TRIM66: variants seen among roughly 807,000 people sequenced by gnomAD.
TRIM66 encodes tripartite motif-containing protein 66.
Under a neutral mutation model 148.2 loss-of-function variants are expected in TRIM66, and 99 were observed. That is an observed-to-expected ratio of 0.67 (90% CI 0.57 to 0.79). The LOEUF (loss-of-function observed/expected upper bound fraction) is 0.79. TRIM66 is among the 30% of genes least tolerant of loss of function. The pLI, the probability that TRIM66 is intolerant of heterozygous loss-of-function variation, is 0.00. For synonymous variants in TRIM66, 616 were observed against 635.9 expected (o/e 0.97, Z 0.47); for missense variants, 1,666 against 1,697.9 (o/e 0.98, Z 0.33).
chr11:8,676,740 A>G (rs1439322380), intron 3 of TRIM66, among the ~76,000 whole-genome samples: 1 of 152,192 alleles, frequency 6.6e-6, no homozygotes, highest in Non-Finnish European at 1.5e-5. Flanking sequence ...ATCATAACTT[A>G]GTTCTTCCCT....
At chr11:8,682,852 G>A (rs758792135), upstream of TRIM66, 2 of 1,604,422 alleles carry the variant, frequency 1.2e-6, no homozygotes, top group Non-Finnish European at 1.7e-6. Context: ...CTTCCTTGCC[G>A]GCGGAGACCC....
chr11:8,627,821 G>C (rs1021389923), intron 15 of TRIM66, among the ~76,000 whole-genome samples: 9 of 152,116 alleles, frequency 5.9e-5, no homozygotes, highest in Non-Finnish European at 1.2e-4. Context: ...TCCATGAATA[G>C]TAAGTTTTTG....
intron 13 of TRIM66, among the ~76,000 whole-genome samples, chr11:8,642,174 G>A (rs2036453711): frequency 6.6e-6 from 1 of 152,132 alleles, no homozygotes; most frequent in Non-Finnish European, 1.5e-5. Context: ...TTATTTTGGT[G>A]AGACTTACTT....
chr11:8,634,344 T>G (rs886108409), intron 15 of TRIM66, among the ~76,000 whole-genome samples: 3 of 152,198 alleles, frequency 2.0e-5, no homozygotes, highest in Non-Finnish European at 4.4e-5. Context: ...TTTCTTGTGT[T>G]TTTTTGTAGA....
At chr11:8,638,865 C>T (rs766740374) in intron 14 of TRIM66, 50 bp from the exon 15 acceptor site, 1 of 1,502,604 alleles carries the variant, frequency 6.7e-7, no homozygotes, top group African/African-American at 1.4e-5. Context: ...GACAGCGTAG[C>T]AGCAGCAGCA....
chr11:8,680,625 A>G (rs2039369459), intron 1 of TRIM66: 1 of 152,280 alleles, frequency 6.6e-6, no homozygotes, highest in Admixed American at 6.5e-5. Context: ...ACCAGTGAGC[A>G]GTGCAGATTG....
chr11:8,672,143 GA>G (rs2133500077), intron 5 of TRIM66, 45 bp from the exon 6 acceptor site: 1 of 1,527,732 alleles, frequency 6.5e-7, no homozygotes, highest in Admixed American at 2.0e-5. Context: ...ATTTTGAGCA[GA>G]AAAAAATCTT....
chr11:8,671,938 G>A lies in TRIM66; in HGVS notation c.188C>T (p.Ala63Val). 6.5e-7 allele frequency: 1 copy of A among 1,536,140 alleles called. No individual in the cohort carries two copies. The highest frequency in any genetic ancestry group is 8.7e-7 in the Non-Finnish European group (1 of 1,146,908). ...KHCPKSGQME[A>V]MVMTCSLCHQ... is the part of the protein sequence containing the mutation. ...GCACAATGAGCAGGTCATTACCATG[G>A]CCTCCATCTGTCCACTCTTAGGGCA... Residue 63 changes from alanine to valine, a missense_variant, in exon 6 of 25, where the codon GCC (alanine) becomes GTC (valine). Coordinates refer to ENST00000646038, the MANE Select transcript of TRIM66 (RefSeq NM_001388022.1).
At chr11:8,649,915 G>T (rs1565538546) in intron 7 of TRIM66, 28 bp from the exon 8 acceptor site, 1 of 1,541,400 alleles carries the variant, frequency 6.5e-7, no homozygotes, top group Admixed American at 2.0e-5. Flanking sequence ...TGGAGTTACT[G>T]ATGTTATCCT....
At position 8,627,633 on chromosome 11, in the gene TRIM66, C is replaced by G. The variant is rs569946504; in HGVS notation, c.2311-2405G>C. On this transcript the variant is annotated intron_variant, in intron 15 of 24. Coordinates refer to ENST00000646038, the MANE Select transcript of TRIM66 (RefSeq NM_001388022.1). Reference sequence around the variant, plus strand: ...TTGACAAAGATGAGGCTCAGAAGGGCATCTTAAGTTTTTTCATGTTATTAT... The same window carrying G: ...TTGACAAAGATGAGGCTCAGAAGGGGATCTTAAGTTTTTTCATGTTATTAT... 2.8e-3 allele frequency among the ~76,000 whole-genome samples: 433 copies of G among 152,264 alleles called. 1 individual carries two copies. Among genetic ancestry groups the G allele is most frequent in the Non-Finnish European group, 4.7e-3 (317 of 68,014 alleles).
intron 12 of TRIM66, chr11:8,644,517 T>A (rs2036681831): frequency 2.4e-6 from 1 of 420,456 alleles, no homozygotes; most frequent in African/African-American, 2.1e-5. Flanking sequence ...TACAGCATTG[T>A]CCCCTTCCTG....
chr11:8,636,926 A>T (rs936099369), intron 15 of TRIM66, among the ~76,000 whole-genome samples: 1 of 152,088 alleles, frequency 6.6e-6, no homozygotes, highest in Non-Finnish European at 1.5e-5. Flanking sequence ...TGATCCTATC[A>T]AGCCAAATTA....
intron 1 of TRIM66, among the ~76,000 whole-genome samples, chr11:8,681,939 T>C (rs995046206): frequency 6.6e-6 from 1 of 152,188 alleles, no homozygotes; most frequent in African/African-American, 2.4e-5. Context: ...TTTACTTTTG[T>C]ATGTGGAGAC....
At chr11:8,634,211 G>C (rs935318043) in intron 15 of TRIM66, among the ~76,000 whole-genome samples, 1 of 152,198 alleles carries the variant, frequency 6.6e-6, no homozygotes, top group South Asian at 2.1e-4. Flanking sequence ...TGTTGCCCAA[G>C]TTGGAGTGCA....
intron 23 of TRIM66, 158 bp downstream of exon 23, chr11:8,619,224 TG>T: frequency 2.3e-6 from 2 of 887,860 alleles, no homozygotes; most frequent in Non-Finnish European, 3.4e-6. Context: ...GGCCTGAGTG[TG>T]GGAGAGAGCT....
At chr11:8,642,843 CAAAAAAAAAAAAAA>C (rs60432547) in intron 13 of TRIM66, among the ~76,000 whole-genome samples, 152 bp downstream of exon 13, 3 of 73,234 alleles carry the variant, frequency 4.1e-5, no homozygotes, top group African/African-American at 1.6e-4. Flanking sequence ...TCTTCCCCCT[CAAAAAAAAAAAAAA>C]AAAAAAAAAA....
chr11:8,649,986 T>A, intron 7 of TRIM66, 99 bp from the exon 8 acceptor site: 6 of 1,381,192 alleles, frequency 4.3e-6, no homozygotes, highest in Non-Finnish European at 5.9e-6. Context: ...GCAGGCCTAT[T>A]CCTCCACCAG....
intron 17 of TRIM66, among the ~76,000 whole-genome samples, chr11:8,623,379 T>C (rs1380542348): frequency 2.0e-5 from 3 of 152,172 alleles, no homozygotes; most frequent in African/African-American, 4.8e-5. Flanking sequence ...GGCAAAAGGA[T>C]GAAACTAGCA....
chr11:8,621,273 C>T lies in TRIM66; in HGVS notation c.3304G>A (p.Gly1102Arg). The change falls in exon 20 of 25, where the codon GGA (glycine) becomes AGA (arginine). Residue 1102 changes from glycine to arginine, a missense_variant. Gly to Arg is a moderately radical substitution (Grantham distance 125). This residue lies in a region of TRIM66 where 1,431 missense variants were observed against 1,412.4 expected (regional missense o/e 1.01). Coordinates refer to ENST00000646038, the MANE Select transcript of TRIM66 (RefSeq NM_001388022.1). Reference sequence around the variant, plus strand: ...AAAGAAGTGACAGTGACCTTTCTTCCCTCCAGACCTGGGGCCTGGGTGGCC... The same window carrying T: ...AAAGAAGTGACAGTGACCTTTCTTCTCTCCAGACCTGGGGCCTGGGTGGCC... Reference protein sequence around the residue: ...SEATQAPGLEGRKVTVTSLAG... With the variant: ...SEATQAPGLERRKVTVTSLAG... 1 of 1,551,692 alleles carries T rather than the reference C, an allele frequency of 6.4e-7. No individual in the cohort carries two copies. Among genetic ancestry groups the T allele is most frequent in the Non-Finnish European group, 8.7e-7 (1 of 1,146,988 alleles).
Sources: gnomAD v4.1 joint callset for allele counts (sites outside exome capture counted in the v4.1 genomes callset) on GRCh38, gnomAD v4.1.1 for gene constraint, gnomAD v4.1.1 regional missense constraint, MANE v1.5 for transcripts, NCBI Gene and HGNC (gene_info 2026-07-23, HGNC 2026-07-21) for gene names.